The following MYCBP2 variants were observed in gnomAD, a reference collection of about 807,000 sequenced individuals.
MYCBP2 encodes the protein E3 ubiquitin-protein ligase MYCBP2.
A neutral mutation model predicts 525.3 loss-of-function variants in MYCBP2; 120 were observed. The observed-to-expected ratio is 0.23, with a 90% CI of 0.20 to 0.27. The LOEUF (loss-of-function observed/expected upper bound fraction) is 0.27, where lower values mean the gene tolerates loss of function less well. Ranked by LOEUF, MYCBP2 falls within the 10% of genes least tolerant of loss-of-function variation. The pLI, the probability that MYCBP2 is intolerant of heterozygous loss-of-function variation, is 1.00. For synonymous variants in MYCBP2, 1,894 were observed against 1,955.8 expected (o/e 0.97, Z 0.83); for missense variants, 4,149 against 5,657.1 (o/e 0.73, Z 8.55).
chr13:77,066,179 T>G (rs2040170956), intron 71 of MYCBP2, 91 bp from the exon 72 acceptor site: 1 of 882,718 alleles, frequency 1.1e-6, no homozygotes, highest in Admixed American at 2.2e-5. Context: ...GAATGCAGCA[T>G]TTTAGATTTT....
intron 1 of MYCBP2, among the ~76,000 whole-genome samples, chr13:77,304,616 T>C (rs1333337212): frequency 2.0e-5 from 3 of 152,138 alleles, no homozygotes; most frequent in Admixed American, 1.3e-4. Context: ...AATGGTCTCA[T>C]GACAAAGAAA....
At chr13:77,232,650 C>T (rs2067290380) in intron 18 of MYCBP2, among the ~76,000 whole-genome samples, 1 of 152,098 alleles carries the variant, frequency 6.6e-6, no homozygotes, top group Non-Finnish European at 1.5e-5. Flanking sequence ...TAACCCACAA[C>T]CATCAAATAT....
In MYCBP2 at chr13:77,168,797, G is replaced by C. The variant is rs550829497; in HGVS notation, c.5896-151C>G. 1.4e-3 allele frequency: 915 copies of C among 651,982 alleles called. 4 individuals carry two copies. Among genetic ancestry groups the C allele is most frequent in the Middle Eastern group, 9.3e-3 (24 of 2,572 alleles). The allele number at this position is 651,982 out of a possible 1,614,324, so 40.4% of individuals were successfully genotyped here. On this transcript the variant is annotated intron_variant, in intron 39 of 82. Transcript: ENST00000544440. ...TTGTCCAAAGAGAAATCTTTCAATT[G>C]ATTAAAAAAAGATTTATCTTAGATG...
At chr13:77,225,695 T>C (rs1419668124) in intron 18 of MYCBP2, 141 bp from the exon 19 acceptor site, 1 of 1,052,272 alleles carries the variant, frequency 9.5e-7, no homozygotes, top group East Asian at 2.6e-5. Context: ...TTAGAAGTGA[T>C]AGATCAAGAA....
At chr13:77,294,127 T>TATATATATATATATATATATATATAC (rs1350132831) in intron 2 of MYCBP2, among the ~76,000 whole-genome samples, 3 of 60,858 alleles carry the variant, frequency 4.9e-5, no homozygotes, top group Non-Finnish European at 7.7e-5. Context: ...TATATATATA[T>TATATATATATATATATATATATATAC]ATACATATAT....
intron 39 of MYCBP2, among the ~76,000 whole-genome samples, chr13:77,169,146 C>T (rs552457318): frequency 2.7e-4 from 41 of 152,306 alleles, no homozygotes; most frequent in African/African-American, 8.9e-4. Context: ...CGGTGGCTCA[C>T]GCCTGTAATC....
chr13:77,098,715 T>A lies in MYCBP2; in HGVS notation c.8439A>T (p.Pro2813=), dbSNP rs772068016. The A allele has an allele frequency of 1.9e-6, 3 of 1,613,420 alleles. No homozygotes were observed. Among genetic ancestry groups the A allele is most frequent in the Non-Finnish European group, 8.5e-7 (1 of 1,179,696 alleles). The change falls in exon 56 of 83, where the codon CCA becomes CCT. Residue 2813 remains proline, a synonymous_variant. Coordinates refer to ENST00000544440, the MANE Select transcript of MYCBP2 (RefSeq NM_015057.5). The stretch of plus-strand genomic sequence containing the variant: ...GAGATGACAACCGAGAACCTGGTCC[T>A]GGGGATTCAGCTCTGGAGCTAGAAG... ...RMPSSSRAES[P]GPGSRLSSPK... is the part of the protein sequence containing the mutation.
At chr13:77,187,799 C>A (rs1009991755) in intron 30 of MYCBP2, among the ~76,000 whole-genome samples, 1 of 151,936 alleles carries the variant, frequency 6.6e-6, no homozygotes, top group African/African-American at 2.4e-5. Flanking sequence ...GTAATCCCAG[C>A]ACTTTGGGAG....
intron 2 of MYCBP2, among the ~76,000 whole-genome samples, chr13:77,289,729 G>A (rs1394598961): frequency 6.6e-6 from 1 of 151,880 alleles, no homozygotes; most frequent in Non-Finnish European, 1.5e-5. Flanking sequence ...AGGGAAAAAG[G>A]CAAGAAGTAT....
In MYCBP2 at chr13:77,191,708, A is replaced by C; in HGVS notation, c.4041T>G (p.His1347Gln). The C allele has an allele frequency of 6.2e-7, 1 of 1,614,078 alleles. No individual in the cohort carries two copies. Among genetic ancestry groups the C allele is most frequent in the Non-Finnish European group, 8.5e-7 (1 of 1,179,984 alleles). ...CATCTGTGGTAATAGATGCCTGTCC[A>C]TGAGATCCACAGTCACTGCTGGGTC... The part of the protein sequence containing the change: ...VSGPSSDCGS[H>Q]GQASITTDDG... The change falls in exon 28 of 83, where the codon CAT becomes CAG. Residue 1347 changes from histidine (H) to glutamine (Q), a missense_variant. This residue lies in a region of MYCBP2 where 620 missense variants were observed against 795.5 expected (regional missense o/e 0.78). Transcript: ENST00000544440.
intron 68 of MYCBP2, among the ~76,000 whole-genome samples, chr13:77,076,420 A>C (rs1354526074): frequency 1.3e-5 from 2 of 152,236 alleles, no homozygotes; most frequent in Non-Finnish European, 2.9e-5. Flanking sequence ...AAAAAGTTTC[A>C]TGAAGAAGAC....
intron 41 of MYCBP2, among the ~76,000 whole-genome samples, 194 bp from the exon 42 acceptor site, chr13:77,165,585 A>AC (rs2058438252): frequency 6.6e-6 from 1 of 152,218 alleles, no homozygotes; most frequent in Non-Finnish European, 1.5e-5. Flanking sequence ...AAATAACACT[A>AC]GAAACAACAG....
intron 8 of MYCBP2, among the ~76,000 whole-genome samples, chr13:77,267,585 T>G (rs1384936781): frequency 1.3e-5 from 2 of 152,046 alleles, no homozygotes; most frequent in African/African-American, 4.8e-5. Flanking sequence ...TCAGCAGTGG[T>G]GGGGTGAGGT....
At chr13:77,165,194 A>T in intron 42 of MYCBP2, 79 bp downstream of exon 42, 1 of 1,245,240 alleles carries the variant, frequency 8.0e-7, no homozygotes, top group Non-Finnish European at 1.2e-6. Flanking sequence ...AGTACAATTT[A>T]AGTCAGTTAG....
chr13:77,144,297 C>A, intron 49 of MYCBP2, 148 bp downstream of exon 49: 1 of 621,718 alleles, frequency 1.6e-6, no homozygotes. Flanking sequence ...ATTAAATACT[C>A]ATTATGAAAG....
intron 65 of MYCBP2, chr13:77,080,495 A>G (rs1228208478): frequency 6.6e-6 from 1 of 152,246 alleles, no homozygotes; most frequent in South Asian, 2.1e-4. Flanking sequence ...TCAAGCAAAT[A>G]GGACTCTTTT....
At chr13:77,076,414 A>G (rs1429283971) in intron 68 of MYCBP2, among the ~76,000 whole-genome samples, 1 of 152,354 alleles carries the variant, frequency 6.6e-6, no homozygotes, top group Middle Eastern at 3.4e-3. Context: ...ATCGTAAAAA[A>G]GTTTCATGAA....
chr13:77,166,026 T>A (rs1331137778), intron 41 of MYCBP2, among the ~76,000 whole-genome samples: 1 of 152,178 alleles, frequency 6.6e-6, no homozygotes, highest in Non-Finnish European at 1.5e-5. Context: ...TAATCCATTG[T>A]TTTCTATAAT....
intron 80 of MYCBP2, among the ~76,000 whole-genome samples, chr13:77,053,323 G>A (rs1358553569): frequency 6.6e-6 from 1 of 152,074 alleles, no homozygotes; most frequent in East Asian, 1.9e-4. Context: ...ATTTGCCCTG[G>A]GCAGAGATTA....
Sources: allele counts gnomAD v4.1 joint callset (sites outside exome capture counted in the v4.1 genomes callset), GRCh38; gene constraint gnomAD v4.1.1; regional missense constraint gnomAD v4.1.1; transcripts MANE v1.5; gene names NCBI Gene and HGNC (gene_info 2026-07-23, HGNC 2026-07-21).